Variants in TRDN observed in about 807,000 individuals in gnomAD.
TRDN encodes triadin in skeletal muscle.
In TRDN, 161 loss-of-function variants were observed where a neutral mutation model predicts 149.7. The ratio of observed to expected loss-of-function variants is 1.08; its 90% CI spans 0.95 to 1.23. TRDN has a LOEUF of 1.23. Ranked by LOEUF, TRDN falls within the 50% of genes most tolerant of loss-of-function variation. The pLI, the probability that TRDN is intolerant of heterozygous loss-of-function variation, is 0.00. For synonymous variants in TRDN, 294 were observed against 250.5 expected (o/e 1.17, Z -1.64); for missense variants, 896 against 823.5 (o/e 1.09, Z -1.08).
chr6:123,405,436 T>G (rs551812015), intron 12 of TRDN, among the ~76,000 whole-genome samples: 2 of 152,306 alleles, frequency 1.3e-5, no homozygotes, highest in South Asian at 4.1e-4. Context: ...GCAGTAGAAA[T>G]TTTTATAAAT....
intron 1 of TRDN, among the ~76,000 whole-genome samples, chr6:123,603,345 C>G (rs1784365541): frequency 6.6e-6 from 1 of 151,996 alleles, no homozygotes; most frequent in South Asian, 2.1e-4. Flanking sequence ...AAATTATGTT[C>G]AGAGTTATCT....
intron 23 of TRDN, among the ~76,000 whole-genome samples, chr6:123,324,666 C>T (rs1174900834): frequency 6.6e-6 from 1 of 152,022 alleles, no homozygotes; most frequent in African/African-American, 2.4e-5. Context: ...CTTAGAGTTG[C>T]ACGTGTATTT....
chr6:123,365,242 G>T (rs1409357924), intron 20 of TRDN, among the ~76,000 whole-genome samples: 2 of 151,926 alleles, frequency 1.3e-5, no homozygotes, highest in Admixed American at 6.6e-5. Context: ...TTTTCTTAAA[G>T]AATTCACTAA....
intron 2 of TRDN, among the ~76,000 whole-genome samples, chr6:123,563,138 A>C (rs550414312): frequency 6.6e-6 from 1 of 152,206 alleles, no homozygotes; most frequent in Non-Finnish European, 1.5e-5. Context: ...GCAATGTAAA[A>C]CTAAGTTTAC....
chr6:123,500,364 G>T (rs1215627724), intron 8 of TRDN, among the ~76,000 whole-genome samples: 4 of 152,060 alleles, frequency 2.6e-5, no homozygotes, highest in African/African-American at 9.7e-5. Context: ...AGAATTCTAG[G>T]TAGGTATGTG....
chr6:123,375,312 T>C (rs1781465680), intron 19 of TRDN, among the ~76,000 whole-genome samples: 1 of 152,158 alleles, frequency 6.6e-6, no homozygotes, highest in African/African-American at 2.4e-5. Flanking sequence ...GTCTGATGTG[T>C]ACTGAAGAGT....
At chr6:123,438,893 A>G in intron 11 of TRDN, 51 bp downstream of exon 11, 2 of 1,385,990 alleles carry the variant, frequency 1.4e-6, no homozygotes, top group Non-Finnish European at 2.0e-6. Flanking sequence ...CAGTAGTATT[A>G]TGCATGGACA....
At chr6:123,619,497 G>C (rs2114705787) in intron 1 of TRDN, among the ~76,000 whole-genome samples, 1 of 152,282 alleles carries the variant, frequency 6.6e-6, no homozygotes, top group South Asian at 2.1e-4. Flanking sequence ...TCCCAAACCA[G>C]CAACCTGGAT....
intron 2 of TRDN, among the ~76,000 whole-genome samples, chr6:123,561,863 A>AC (rs552993702): frequency 1.3e-4 from 20 of 149,356 alleles, no homozygotes; most frequent in African/African-American, 4.7e-4. Context: ...TTTCCATACC[A>AC]CCCCCCAAAA....
intron 2 of TRDN, among the ~76,000 whole-genome samples, chr6:123,553,135 C>T (rs1323178231): frequency 6.6e-6 from 1 of 152,054 alleles, no homozygotes; most frequent in Admixed American, 6.6e-5. Context: ...GTTGAATGAC[C>T]AAAATGTTCT....
intron 3 of TRDN, 28 bp from the exon 4 acceptor site, chr6:123,547,400 G>A: frequency 7.5e-7 from 1 of 1,340,702 alleles, no homozygotes; most frequent in South Asian, 1.6e-5. Flanking sequence ...GAAAAACAAA[G>A]TTAGAAAATA....
chr6:123,585,026 T>C (rs747226705), intron 1 of TRDN, among the ~76,000 whole-genome samples: 7 of 151,630 alleles, frequency 4.6e-5, no homozygotes, highest in African/African-American at 1.5e-4. Context: ...AAGCATGCTG[T>C]GGGATGGGAT....
At chr6:123,606,734 A>T (rs955849977) in intron 1 of TRDN, among the ~76,000 whole-genome samples, 1 of 152,166 alleles carries the variant, frequency 6.6e-6, no homozygotes, top group Non-Finnish European at 1.5e-5. Flanking sequence ...TATTTTAAAA[A>T]CTTTTATTAT....
chr6:123,398,508 A>G (rs1484623010), intron 12 of TRDN, among the ~76,000 whole-genome samples: 5 of 152,224 alleles, frequency 3.3e-5, no homozygotes, highest in Admixed American at 3.3e-4. Flanking sequence ...CTTGCAGTCC[A>G]AAGAGCTGCT....
At chr6:123,249,905 A>C (rs1367740136) in intron 38 of TRDN, among the ~76,000 whole-genome samples, 1 of 152,172 alleles carries the variant, frequency 6.6e-6, no homozygotes, top group East Asian at 1.9e-4. Flanking sequence ...AAATAATTCA[A>C]ACTATCCCAC....
intron 38 of TRDN, among the ~76,000 whole-genome samples, chr6:123,242,132 G>GA (rs1406729998): frequency 1.3e-5 from 2 of 152,108 alleles, no homozygotes; most frequent in African/African-American, 4.8e-5. Flanking sequence ...TCTTCCGGTT[G>GA]AAAAACCTTC....
At chr6:123,257,671 T>C (rs530140348) in intron 35 of TRDN, among the ~76,000 whole-genome samples, 1 of 152,012 alleles carries the variant, frequency 6.6e-6, no homozygotes, top group Admixed American at 6.6e-5. Context: ...TTTTTCTAAT[T>C]CTGTGAATTA....
chr6:123,498,247 A>G (rs1778534411), intron 8 of TRDN: 1 of 187,986 alleles, frequency 5.3e-6, no homozygotes, highest in African/African-American at 2.4e-5. Flanking sequence ...AATTGCTCCA[A>G]ATTATGCATA....
intron 5 of TRDN, among the ~76,000 whole-genome samples, chr6:123,526,784 A>G (rs926822010): frequency 1.3e-5 from 2 of 151,994 alleles, no homozygotes; most frequent in Non-Finnish European, 2.9e-5. Context: ...GGGATGACAC[A>G]TCTTATATTT....
Sources: allele counts gnomAD v4.1 joint callset (sites outside exome capture counted in the v4.1 genomes callset), GRCh38; gene constraint gnomAD v4.1.1; transcripts MANE v1.5; gene names NCBI Gene and HGNC (gene_info 2026-07-23, HGNC 2026-07-21).